The following KCNIP4 variants were observed in gnomAD, a reference collection of about 807,000 sequenced individuals.
KCNIP4 encodes the protein potassium voltage-gated channel interacting protein 4.
Under a neutral mutation model 34.0 loss-of-function variants are expected in KCNIP4, and 12 were observed. The observed-to-expected ratio is 0.35, with a 90% CI of 0.23 to 0.57. The LOEUF (loss-of-function observed/expected upper bound fraction) is 0.57. Ranked by LOEUF, KCNIP4 falls within the 20% of genes least tolerant of loss-of-function variation. The probability of loss-of-function intolerance (pLI) is 0.83; values close to 1 mark genes in which losing one functional copy is unlikely to be tolerated. For synonymous variants in KCNIP4, 124 were observed against 102.2 expected (o/e 1.21, Z -1.29); for missense variants, 238 against 311.7 (o/e 0.76, Z 1.78).
At chr4:21,480,659 C>G (rs1164882932) in intron 1 of KCNIP4, among the ~76,000 whole-genome samples, 1 of 151,984 alleles carries the variant, frequency 6.6e-6, no homozygotes, top group African/African-American at 2.4e-5. Flanking sequence ...AGAAAATATA[C>G]CAAATATTCA....
chr4:21,391,569 G>GTTTTTCCT (rs1722562176), intron 1 of KCNIP4, among the ~76,000 whole-genome samples: 1 of 151,990 alleles, frequency 6.6e-6, no homozygotes, highest in African/African-American at 2.4e-5. Flanking sequence ...ACACTCCTCA[G>GTTTTTCCT]CATGCCACTG....
At chr4:21,350,912 G>C (rs1717945708) in intron 1 of KCNIP4, among the ~76,000 whole-genome samples, 1 of 152,256 alleles carries the variant, frequency 6.6e-6, no homozygotes, top group Non-Finnish European at 1.5e-5. Context: ...AGAAGAAACT[G>C]TTATATCTTA....
chr4:21,762,407 A>C (rs1718119478), intron 1 of KCNIP4, among the ~76,000 whole-genome samples: 1 of 152,074 alleles, frequency 6.6e-6, no homozygotes, highest in African/African-American at 2.4e-5. Flanking sequence ...GAAGATTAGA[A>C]ATTGTTGTCT....
chr4:21,077,840 C>T (rs747808601), intron 1 of KCNIP4, among the ~76,000 whole-genome samples: 3 of 151,908 alleles, frequency 2.0e-5, no homozygotes, highest in Non-Finnish European at 4.4e-5. Flanking sequence ...GTAGGGCATA[C>T]ATTATTGTTC....
intron 1 of KCNIP4, among the ~76,000 whole-genome samples, chr4:21,018,875 G>A (rs138796536): frequency 8.5e-4 from 129 of 152,210 alleles, no homozygotes; most frequent in Middle Eastern, 6.8e-3. Context: ...GTTTGGATAG[G>A]GTTAATTCTG....
chr4:21,226,414 CT>C (rs1479392627), intron 1 of KCNIP4, among the ~76,000 whole-genome samples: 1 of 141,104 alleles, frequency 7.1e-6, no homozygotes, highest in African/African-American at 3.2e-5. Context: ...TACTAGTGAG[CT>C]TTTGGTTGCC....
intron 1 of KCNIP4, among the ~76,000 whole-genome samples, chr4:20,925,238 A>C (rs183049173): frequency 9.5e-4 from 145 of 152,250 alleles, no homozygotes; most frequent in Middle Eastern, 3.4e-3. Flanking sequence ...TTTGAATCAG[A>C]GCAACTCCAT....
intron 1 of KCNIP4, among the ~76,000 whole-genome samples, chr4:21,750,209 G>A (rs559038581): frequency 2.0e-5 from 3 of 152,250 alleles, no homozygotes; most frequent in East Asian, 1.9e-4. Context: ...CAGTATTACA[G>A]GGCTTATGTT....
chr4:20,927,533 G>T (rs1363722570), intron 1 of KCNIP4, among the ~76,000 whole-genome samples: 1 of 152,120 alleles, frequency 6.6e-6, no homozygotes, highest in Non-Finnish European at 1.5e-5. Context: ...GCTTACATTT[G>T]CAGTTCTTTG....
intron 1 of KCNIP4, among the ~76,000 whole-genome samples, chr4:21,802,296 C>A (rs1258120996): frequency 6.6e-6 from 1 of 152,086 alleles, no homozygotes; most frequent in Non-Finnish European, 1.5e-5. Flanking sequence ...CCTTACATGT[C>A]TTATCTCATT....
chr4:21,631,481 A>T (rs1052638612), intron 1 of KCNIP4, among the ~76,000 whole-genome samples: 2 of 152,210 alleles, frequency 1.3e-5, no homozygotes, highest in Non-Finnish European at 2.9e-5. Context: ...AGCAATGAAG[A>T]TATAAACTTA....
At chr4:21,398,923 G>A (rs117739584) in intron 1 of KCNIP4, among the ~76,000 whole-genome samples, 1,809 of 152,284 alleles carry the variant, frequency 0.012, 57 homozygotes, top group South Asian at 0.11. Context: ...AGTTGACTGG[G>A]TAAATGGAGT....
intron 1 of KCNIP4, among the ~76,000 whole-genome samples, chr4:20,936,699 C>T (rs1229030717): frequency 6.6e-6 from 1 of 151,838 alleles, no homozygotes; most frequent in Non-Finnish European, 1.5e-5. Context: ...ATGTCTGTAT[C>T]CTGAGCTCAT....
chr4:21,656,309 T>C (rs1747925575), intron 1 of KCNIP4, among the ~76,000 whole-genome samples: 1 of 152,144 alleles, frequency 6.6e-6, no homozygotes, highest in African/African-American at 2.4e-5. Flanking sequence ...TCACATTGGA[T>C]TAAGGGCCCA....
intron 1 of KCNIP4, among the ~76,000 whole-genome samples, chr4:21,780,102 C>A (rs1404461948): frequency 1.3e-5 from 2 of 152,042 alleles, no homozygotes; most frequent in Non-Finnish European, 2.9e-5. Context: ...CCACTATCTT[C>A]TAAAACACCC....
At chr4:21,151,439 T>C (rs4254769) in intron 1 of KCNIP4, among the ~76,000 whole-genome samples, 1 of 141,454 alleles carries the variant, frequency 7.1e-6, no homozygotes, top group Admixed American at 7.2e-5. Context: ...TTTTTTGCTG[T>C]TCTGGAGCCT....
At chr4:21,238,663 A>C (rs962954805) in intron 1 of KCNIP4, among the ~76,000 whole-genome samples, 3 of 152,302 alleles carry the variant, frequency 2.0e-5, no homozygotes, top group East Asian at 1.9e-4. Context: ...TAGGAATCCA[A>C]CTTACAAGGG....
chr4:21,829,897 ATAG>A (rs1410106883), intron 1 of KCNIP4, among the ~76,000 whole-genome samples: 3 of 152,148 alleles, frequency 2.0e-5, no homozygotes, highest in Non-Finnish European at 2.9e-5. Flanking sequence ...AATTAACCTA[ATAG>A]TAGAGGAAGA....
At chr4:21,697,599 A>C in intron 1 of KCNIP4, 1 of 1,364,848 alleles carries the variant, frequency 7.3e-7, no homozygotes, top group South Asian at 2.0e-5. Context: ...CTCAATCAGA[A>C]ATTCCTTTAA....
Sources: gnomAD v4.1 joint callset for allele counts (sites outside exome capture counted in the v4.1 genomes callset) on GRCh38, gnomAD v4.1.1 for gene constraint, MANE v1.5 for transcripts, NCBI Gene and HGNC (gene_info 2026-07-23, HGNC 2026-07-21) for gene names.